Variants in NDUFAF2 observed in about 807,000 individuals in gnomAD.
NDUFAF2 encodes the protein NADH dehydrogenase [ubiquinone] 1 alpha subcomplex assembly factor 2.
In NDUFAF2, 13 loss-of-function variants were observed where a neutral mutation model predicts 22.8. That is an observed-to-expected ratio of 0.57 (90% CI 0.37 to 0.91). NDUFAF2 has a LOEUF of 0.91. Among genes scored for constraint, NDUFAF2 ranks in the 40% least tolerant of loss-of-function variants. The pLI is 0.01. For missense variants in NDUFAF2, 162 were observed against 195.2 expected (o/e 0.83, Z 1.01); for synonymous variants, 53 against 64.2 (o/e 0.83, Z 0.84).
In NDUFAF2 at chr5:61,124,337, T is replaced by C. The variant is rs532078583; in HGVS notation, c.258+25305T>C. Among the ~76,000 whole-genome samples the C allele has an allele frequency of 7.9e-5, 12 of 152,184 alleles. No individual in the cohort carries two copies. The South Asian group carries it at 2.3e-3, about 29-fold the overall frequency. ...CTCTTTACTTTTTTCCATTATTCTT[T>C]ATATACTTAATTTCTATACCTACTT... On this transcript the variant is annotated intron_variant, in intron 3 of 3. Transcript: ENST00000296597.
chr5:60,966,322 G>C (rs1229715159), intron 1 of NDUFAF2, among the ~76,000 whole-genome samples: 1 of 152,080 alleles, frequency 6.6e-6, no homozygotes, highest in Non-Finnish European at 1.5e-5. Context: ...TCCAAAGGTT[G>C]TGTCTTTACT....
chr5:61,067,429 G>A (rs952127516), intron 1 of NDUFAF2, among the ~76,000 whole-genome samples: 8 of 151,460 alleles, frequency 5.3e-5, no homozygotes, highest in Non-Finnish European at 1.0e-4. Context: ...TTGTCCTTGC[G>A]ATAGTTTGCT....
intron 1 of NDUFAF2, among the ~76,000 whole-genome samples, chr5:60,979,115 C>T (rs779362882): frequency 1.3e-5 from 2 of 152,166 alleles, no homozygotes; most frequent in Non-Finnish European, 2.9e-5. Flanking sequence ...GGATTTATTA[C>T]TTGCTGACAA....
intron 1 of NDUFAF2, among the ~76,000 whole-genome samples, chr5:61,018,485 A>T (rs1407837412): frequency 6.6e-6 from 1 of 152,220 alleles, no homozygotes; most frequent in Non-Finnish European, 1.5e-5. Context: ...AACTGTGCCC[A>T]GAAGATTATT....
intron 1 of NDUFAF2, among the ~76,000 whole-genome samples, chr5:60,982,396 A>C (rs1267930666): frequency 6.6e-6 from 1 of 151,976 alleles, no homozygotes; most frequent in Non-Finnish European, 1.5e-5. Flanking sequence ...TTATTTTTTA[A>C]TTTTTTAAAT....
intron 1 of NDUFAF2, among the ~76,000 whole-genome samples, chr5:60,984,347 G>A (rs1159961742): frequency 6.6e-6 from 1 of 151,962 alleles, no homozygotes; most frequent in Non-Finnish European, 1.5e-5. Flanking sequence ...CTGCAAACAG[G>A]GACAATTTGA....
Position 61,149,744 on chromosome 5 carries a change from C to T in NDUFAF2, c.259-2960C>T, listed in dbSNP as rs190914105. ...CTGAAACATACTGTTATTTGATAAACGTATGGAGATATAGGGTGATATTGT... is the reference window on the plus strand; with the variant it reads ...CTGAAACATACTGTTATTTGATAAATGTATGGAGATATAGGGTGATATTGT... On this transcript the variant is annotated intron_variant, in intron 3 of 3. Coordinates refer to ENST00000296597, the MANE Select transcript of NDUFAF2 (RefSeq NM_174889.5). Among the ~76,000 whole-genome samples, 47 of 152,148 alleles carry T rather than the reference C, an allele frequency of 3.1e-4. 1 individual carries two copies. In the East Asian group the frequency reaches 7.9e-3, roughly 26 times the overall value.
intron 1 of NDUFAF2, among the ~76,000 whole-genome samples, chr5:60,961,451 C>T (rs527538923): frequency 8.5e-5 from 13 of 152,098 alleles, no homozygotes; most frequent in Admixed American, 3.9e-4. Context: ...AAAAATTAGC[C>T]GGGCATGGTG....
At chr5:60,980,528 T>C (rs1750962699) in intron 1 of NDUFAF2, among the ~76,000 whole-genome samples, 1 of 151,974 alleles carries the variant, frequency 6.6e-6, no homozygotes, top group African/African-American at 2.4e-5. Flanking sequence ...TCCCAGCACT[T>C]TGGGAGGCTA....
intron 1 of NDUFAF2, among the ~76,000 whole-genome samples, chr5:61,001,158 C>T (rs1040998445): frequency 9.9e-5 from 15 of 152,110 alleles, no homozygotes; most frequent in African/African-American, 2.9e-4. Flanking sequence ...GTTCCCCTTT[C>T]CCAATTACCT....
chr5:60,997,016 G>C (rs904349419), intron 1 of NDUFAF2, among the ~76,000 whole-genome samples: 1 of 152,010 alleles, frequency 6.6e-6, no homozygotes, highest in Non-Finnish European at 1.5e-5. Context: ...CTTGTTGGGG[G>C]GACAATTGGT....
intron 3 of NDUFAF2, among the ~76,000 whole-genome samples, chr5:61,128,060 G>A (rs1404587059): frequency 6.6e-6 from 1 of 152,108 alleles, no homozygotes; most frequent in Non-Finnish European, 1.5e-5. Flanking sequence ...GCTTCAAAGA[G>A]AATAAAATAG....
chr5:61,023,282 A>G (rs917619305), intron 1 of NDUFAF2, among the ~76,000 whole-genome samples: 3 of 151,768 alleles, frequency 2.0e-5, no homozygotes, highest in East Asian at 1.9e-4. Flanking sequence ...TTTTTTTTGC[A>G]TAACCAGTGT....
chr5:61,040,492 T>G (rs1029063486), intron 1 of NDUFAF2, among the ~76,000 whole-genome samples: 1 of 152,128 alleles, frequency 6.6e-6, no homozygotes, highest in African/African-American at 2.4e-5. Flanking sequence ...TGTGATTCTT[T>G]GTTATGGCAG....
chr5:61,103,272 A>G (rs1010902205), intron 3 of NDUFAF2, among the ~76,000 whole-genome samples: 2 of 151,954 alleles, frequency 1.3e-5, no homozygotes, highest in East Asian at 3.9e-4. Flanking sequence ...CCTACTCTTC[A>G]AGGAACTCCC....
At chr5:61,056,430 T>A (rs901569044) in intron 1 of NDUFAF2, among the ~76,000 whole-genome samples, 1 of 152,238 alleles carries the variant, frequency 6.6e-6, no homozygotes, top group African/African-American at 2.4e-5. Flanking sequence ...TTCTTTTTCA[T>A]GCTCCTACAG....
intron 1 of NDUFAF2, among the ~76,000 whole-genome samples, chr5:60,968,068 T>C (rs529536344): frequency 6.6e-6 from 1 of 152,012 alleles, no homozygotes; most frequent in East Asian, 1.9e-4. Context: ...TAAGTTCTGT[T>C]AATTGTATGT....
intron 1 of NDUFAF2, among the ~76,000 whole-genome samples, chr5:61,023,639 TAA>T (rs1751614682): frequency 6.6e-6 from 1 of 152,214 alleles, no homozygotes; most frequent in South Asian, 2.1e-4. Context: ...CGGAATTATG[TAA>T]ATTTAAAACC....
At chr5:60,967,568 G>A (rs1750774212) in intron 1 of NDUFAF2, among the ~76,000 whole-genome samples, 1 of 151,148 alleles carries the variant, frequency 6.6e-6, no homozygotes. Context: ...GTTGAATTTT[G>A]TTGAATTCCT....
Sources: allele counts gnomAD v4.1 joint callset (sites outside exome capture counted in the v4.1 genomes callset), GRCh38; gene constraint gnomAD v4.1.1; transcripts MANE v1.5; gene names NCBI Gene and HGNC (gene_info 2026-07-23, HGNC 2026-07-21).